The following NDST4 variants were observed in gnomAD, a reference collection of about 807,000 sequenced individuals.
NDST4 encodes N-heparan sulfate sulfotransferase 4.
In NDST4, 63 loss-of-function variants were observed where a neutral mutation model predicts 100.8. The ratio of observed to expected loss-of-function variants is 0.62; its 90% CI spans 0.51 to 0.77. The LOEUF is 0.77. NDST4 is among the 30% of genes least tolerant of loss of function. The pLI, the probability that NDST4 is intolerant of heterozygous loss-of-function variation, is 0.00. For synonymous variants in NDST4, 377 were observed against 361.8 expected (o/e 1.04, Z -0.48); for missense variants, 943 against 1,018.4 (o/e 0.93, Z 1.01).
At chr4:115,069,984 T>A (rs1215333237) in intron 2 of NDST4, among the ~76,000 whole-genome samples, 3 of 152,160 alleles carry the variant, frequency 2.0e-5, no homozygotes, top group East Asian at 1.9e-4. Context: ...GAATGTAAAT[T>A]AGTCCAACCA....
intron 6 of NDST4, among the ~76,000 whole-genome samples, chr4:114,915,664 C>A (rs1725152300): frequency 6.6e-6 from 1 of 152,102 alleles, no homozygotes; most frequent in African/African-American, 2.4e-5. Flanking sequence ...ATTTTAAAAT[C>A]CACCTCATTG....
At chr4:114,903,795 C>G (rs1415608842) in intron 6 of NDST4, among the ~76,000 whole-genome samples, 2 of 152,072 alleles carry the variant, frequency 1.3e-5, no homozygotes, top group East Asian at 1.9e-4. Flanking sequence ...AACATAGGCA[C>G]TATTTTTAAT....
At chr4:114,914,837 G>T (rs572041989) in intron 6 of NDST4, among the ~76,000 whole-genome samples, 1 of 152,070 alleles carries the variant, frequency 6.6e-6, no homozygotes, top group African/African-American at 2.4e-5. Flanking sequence ...GCAGCTGCTT[G>T]TTTCCCTTTA....
Position 114,918,143 on chromosome 4 carries a change from AAT to A in NDST4, c.1536+17061_1536+17062del, listed in dbSNP as rs1336842140. Among the ~76,000 whole-genome samples, 5 of 152,202 alleles carry A rather than the reference AAT, an allele frequency of 3.3e-5. No homozygotes were observed. In the East Asian group the frequency reaches 9.7e-4, roughly 29 times the overall value. ...TACTATAACCATTTTGAAAAGGTAA[AAT>A]AAAATTTTTCTTTAAGTCAAACTTG... On this transcript the variant is annotated intron_variant, in intron 6 of 13. Transcript: ENST00000264363.
In NDST4 at chr4:114,832,523, T is replaced by A. The variant is rs572094051; in HGVS notation, c.2396+1083A>T. Among the ~76,000 whole-genome samples, 6 of 152,324 alleles carry A rather than the reference T, an allele frequency of 3.9e-5. No individual in the cohort carries two copies. The East Asian group carries it at 9.7e-4, about 25-fold the overall frequency. On this transcript the variant is annotated intron_variant, in intron 12 of 13. Coordinates refer to ENST00000264363, the MANE Select transcript of NDST4 (RefSeq NM_022569.3). The stretch of plus-strand genomic sequence containing the variant: ...ACTTGTTTTTGTTTGTTATTCTGCT[T>A]CTTTTACATTTCTCCCCATTTTTAA...
intron 2 of NDST4, among the ~76,000 whole-genome samples, chr4:115,011,219 G>A (rs1262347589): frequency 6.6e-6 from 1 of 151,882 alleles, no homozygotes; most frequent in Non-Finnish European, 1.5e-5. Context: ...CTTGTCTCTT[G>A]AATGGTTTCT....
At chr4:114,922,860 G>C (rs545204559) in intron 6 of NDST4, among the ~76,000 whole-genome samples, 29 of 152,318 alleles carry the variant, frequency 1.9e-4, no homozygotes, top group Middle Eastern at 3.4e-3. Flanking sequence ...TAGTAGAGGT[G>C]AAGAAGATAG....
intron 1 of NDST4, among the ~76,000 whole-genome samples, chr4:115,102,333 G>T (rs1463303147): frequency 6.6e-6 from 1 of 152,050 alleles, no homozygotes; most frequent in South Asian, 2.1e-4. Context: ...GTAGAAATTT[G>T]CTAGCTGACT....
At chr4:114,840,555 C>T (rs189822025) in intron 10 of NDST4, among the ~76,000 whole-genome samples, 6 of 152,140 alleles carry the variant, frequency 3.9e-5, no homozygotes, top group Non-Finnish European at 5.9e-5. Flanking sequence ...GACTTTTCAA[C>T]GGTTGAAGCT....
chr4:114,943,742 G>T (rs1024421900), intron 4 of NDST4, among the ~76,000 whole-genome samples: 84 of 152,244 alleles, frequency 5.5e-4, no homozygotes, highest in African/African-American at 1.9e-3. Context: ...GCTTTGCCAA[G>T]TATTAGTTGT....
intron 2 of NDST4, among the ~76,000 whole-genome samples, chr4:115,039,149 A>G (rs1728295795): frequency 6.6e-6 from 1 of 152,176 alleles, no homozygotes. Flanking sequence ...GGGTAGGGCC[A>G]AACTACCTAT....
chr4:115,010,457 A>G lies in NDST4; in HGVS notation c.979-33183T>C, dbSNP rs1261544319. ...AAGAACAAAAAAACAAACACCGCAT[A>G]TTCTTACTCATAGGTGGGAATTGAA... On this transcript the variant is annotated intron_variant, in intron 2 of 13. Transcript: ENST00000264363. 1.6e-5 allele frequency among the ~76,000 whole-genome samples: 2 copies of G among 127,822 alleles called. 1 individual carries two copies. Among genetic ancestry groups the G allele is most frequent in the Non-Finnish European group, 3.3e-5 (2 of 59,924 alleles). The allele number at this position is 127,822 out of a possible 152,430, so 83.9% of individuals were successfully genotyped here. A position where few individuals can be genotyped will look rare whatever the true frequency, so the allele number is the denominator to read the frequency against.
intron 2 of NDST4, among the ~76,000 whole-genome samples, chr4:115,008,197 C>A (rs1727462864): frequency 7.7e-6 from 1 of 129,336 alleles, no homozygotes; most frequent in Non-Finnish European, 1.7e-5. Flanking sequence ...GCATTTAGGC[C>A]ATTTACATTT....
chr4:114,990,711 C>T (rs1727018390), intron 2 of NDST4, among the ~76,000 whole-genome samples: 1 of 152,108 alleles, frequency 6.6e-6, no homozygotes, highest in Non-Finnish European at 1.5e-5. Context: ...ACACATCACA[C>T]ATTTACATAA....
intron 6 of NDST4, among the ~76,000 whole-genome samples, chr4:114,933,432 C>CTTTTTTTTTTTTTTTTTTTTTTT (rs367931653): frequency 1.1e-5 from 1 of 89,278 alleles, no homozygotes; most frequent in Non-Finnish European, 2.1e-5. Context: ...TTTTCTTTTC[C>CTTTTTTTTTTTTTTTTTTTTTTT]TTTTTTTTTT....
intron 7 of NDST4, among the ~76,000 whole-genome samples, chr4:114,856,981 T>C (rs145235087): frequency 5.3e-5 from 8 of 152,294 alleles, no homozygotes; most frequent in African/African-American, 1.9e-4. Context: ...TATTGAGTGA[T>C]ACAGATAGCT....
chr4:114,919,753 C>T (rs187934962), intron 6 of NDST4, among the ~76,000 whole-genome samples: 12 of 152,220 alleles, frequency 7.9e-5, no homozygotes, highest in Admixed American at 7.9e-4. Flanking sequence ...TTTAACTGCT[C>T]TAGGGATAAT....
At chr4:115,064,814 T>G (rs1188606833) in intron 2 of NDST4, among the ~76,000 whole-genome samples, 1 of 152,148 alleles carries the variant, frequency 6.6e-6, no homozygotes, top group Non-Finnish European at 1.5e-5. Context: ...ATATTTCTAT[T>G]TAGTGATTAC....
chr4:115,111,089 G>T (rs1485048649), intron 1 of NDST4, among the ~76,000 whole-genome samples: 1 of 151,920 alleles, frequency 6.6e-6, no homozygotes, highest in East Asian at 1.9e-4. Context: ...GCTTGTAAAT[G>T]ATGCACACAA....
Sources: gnomAD v4.1 joint callset for allele counts (sites outside exome capture counted in the v4.1 genomes callset) on GRCh38, gnomAD v4.1.1 for gene constraint, MANE v1.5 for transcripts, NCBI Gene and HGNC (gene_info 2026-07-23, HGNC 2026-07-21) for gene names.